The following CNTN4 variants were observed in gnomAD, a reference collection of about 807,000 sequenced individuals.
The protein encoded by CNTN4 is contactin 4.
A neutral mutation model predicts 122.5 loss-of-function variants in CNTN4; 77 were observed. That is an observed-to-expected ratio of 0.63 (90% confidence interval 0.52 to 0.76). The LOEUF (loss-of-function observed/expected upper bound fraction) is 0.76. CNTN4 is among the 30% of genes least tolerant of loss of function. CNTN4 has a pLI of 0.00. For missense variants in CNTN4, 1,256 were observed against 1,259.1 expected (o/e 1.00, Z 0.04); for synonymous variants, 512 against 447.0 (o/e 1.15, Z -1.83).
Position 2,737,112 on chromosome 3 carries a change from C to T in CNTN4, c.182+771C>T, listed in dbSNP as rs147010800. Among the ~76,000 whole-genome samples, 788 of 151,844 alleles carry T rather than the reference C, an allele frequency of 5.2e-3. 8 individuals carry two copies. Among genetic ancestry groups the T allele is most frequent in the African/African-American group, 0.018 (744 of 41,402 alleles). ...TTTTTATTTTTCGAGACAGGGTCTC[C>T]CTCTGTCACCCAGGCTGAAGTGGAT... On this transcript the variant is annotated intron_variant, in intron 5 of 24. Coordinates refer to ENST00000418658, the MANE Select transcript of CNTN4 (RefSeq NM_175607.3).
At chr3:2,936,807 A>C (rs2094570850) in intron 13 of CNTN4, among the ~76,000 whole-genome samples, 1 of 152,210 alleles carries the variant, frequency 6.6e-6, no homozygotes, top group Non-Finnish European at 1.5e-5. Flanking sequence ...AAATAAATCA[A>C]AAGAAAAATC....
intron 4 of CNTN4, among the ~76,000 whole-genome samples, chr3:2,692,108 G>C (rs1342589838): frequency 6.9e-6 from 1 of 145,972 alleles, no homozygotes; most frequent in Non-Finnish European, 1.5e-5. Flanking sequence ...TTAAACTTAA[G>C]TGGCACACTT....
At chr3:2,702,449 T>C (rs915057768) in intron 4 of CNTN4, among the ~76,000 whole-genome samples, 3 of 152,234 alleles carry the variant, frequency 2.0e-5, no homozygotes, top group Non-Finnish European at 4.4e-5. Flanking sequence ...ATGACAAATA[T>C]ATTCTGTGCT....
intron 6 of CNTN4, among the ~76,000 whole-genome samples, chr3:2,794,452 A>T (rs1055088460): frequency 6.6e-6 from 1 of 152,224 alleles, no homozygotes; most frequent in African/African-American, 2.4e-5. Context: ...CTTGATAATA[A>T]ATCCCTTTTT....
chr3:2,338,401 TA>T, intron 2 of CNTN4, among the ~76,000 whole-genome samples: 1 of 152,064 alleles, frequency 6.6e-6, no homozygotes, highest in East Asian at 1.9e-4. Flanking sequence ...CAGAGTAGAA[TA>T]GTATGATTAA....
chr3:3,011,888 T>C (rs1300830328), intron 14 of CNTN4, among the ~76,000 whole-genome samples: 1 of 151,042 alleles, frequency 6.6e-6, no homozygotes, highest in African/African-American at 2.4e-5. Flanking sequence ...ATGATGATGA[T>C]GGTGATGATG....
chr3:2,483,504 T>C (rs2076063806), intron 3 of CNTN4, among the ~76,000 whole-genome samples: 1 of 151,960 alleles, frequency 6.6e-6, no homozygotes. Flanking sequence ...TTGGGAGGGG[T>C]CAGGGGCAGA....
chr3:2,873,322 T>C (rs1328452078), intron 8 of CNTN4, among the ~76,000 whole-genome samples: 4 of 152,224 alleles, frequency 2.6e-5, no homozygotes, highest in African/African-American at 9.6e-5. Flanking sequence ...CCAGATAATA[T>C]CAGGTTTAAC....
rs13317516 is a variant in CNTN4, at chr3:2,975,745, T to C, written c.1359-12600T>C. Among the ~76,000 whole-genome samples the C allele has an allele frequency of 5.4e-3, 826 of 152,334 alleles. 6 individuals carry two copies. Among genetic ancestry groups the C allele is most frequent in the African/African-American group, 0.019 (780 of 41,592 alleles). On this transcript the variant is annotated intron_variant, in intron 13 of 24. Transcript: ENST00000418658. ...TTGTTATATAAAGCTTCCTGAGTGC[T>C]TTATATATTTTAATGTTTTTTTCTC...
intron 3 of CNTN4, among the ~76,000 whole-genome samples, chr3:2,523,313 T>C (rs2077284842): frequency 6.6e-6 from 1 of 150,856 alleles, no homozygotes; most frequent in African/African-American, 2.4e-5. Flanking sequence ...TTGCATATTA[T>C]GTTGCTCCTA....
At chr3:2,392,684 C>T (rs2046485476) in intron 3 of CNTN4, among the ~76,000 whole-genome samples, 1 of 152,198 alleles carries the variant, frequency 6.6e-6, no homozygotes, top group South Asian at 2.1e-4. Context: ...ATATACAATG[C>T]ATTATTATTA....
In CNTN4 at chr3:2,545,630, T is replaced by TA. The variant is rs201036988; in HGVS notation, c.-88-25785dup. Among the ~76,000 whole-genome samples, 370 of 151,918 alleles carry TA rather than the reference T, an allele frequency of 2.4e-3. 4 individuals carry two copies. The East Asian group carries it at 0.039, about 16-fold the overall frequency. On this transcript the variant is annotated intron_variant, in intron 3 of 24. Transcript: ENST00000418658. The stretch of plus-strand genomic sequence containing the variant: ...GTTATGTAATGCCTTTTTTTTTTTT[T>TA]ATCCTTTTCATCTTTGCTGGTATAA...
At chr3:2,679,430 A>G (rs1209926423) in intron 4 of CNTN4, among the ~76,000 whole-genome samples, 1 of 152,142 alleles carries the variant, frequency 6.6e-6, no homozygotes, top group Non-Finnish European at 1.5e-5. Flanking sequence ...TTAGTTGATA[A>G]AGGACAGTGA....
At chr3:2,727,790 A>G (rs919789435) in intron 4 of CNTN4, among the ~76,000 whole-genome samples, 14 of 152,072 alleles carry the variant, frequency 9.2e-5, no homozygotes, top group Admixed American at 3.9e-4. Flanking sequence ...TCTCATTTGG[A>G]TTTTTTTCAC....
At chr3:2,810,968 A>G (rs1417496914) in intron 6 of CNTN4, among the ~76,000 whole-genome samples, 4 of 151,666 alleles carry the variant, frequency 2.6e-5, no homozygotes, top group South Asian at 2.1e-4. Context: ...AAATAAGTGT[A>G]TTAAGGATTT....
intron 2 of CNTN4, among the ~76,000 whole-genome samples, chr3:2,114,620 T>C (rs2033213973): frequency 6.6e-6 from 1 of 152,118 alleles, no homozygotes; most frequent in South Asian, 2.1e-4. Context: ...TTTCATAGAC[T>C]AGAATGTGAA....
At chr3:2,270,784 G>A (rs1016323348) in intron 2 of CNTN4, among the ~76,000 whole-genome samples, 18 of 152,062 alleles carry the variant, frequency 1.2e-4, no homozygotes, top group African/African-American at 4.3e-4. Flanking sequence ...GTCCTGAGAG[G>A]GGCAGGCCAT....
chr3:2,157,725 A>C (rs752302584), intron 2 of CNTN4, among the ~76,000 whole-genome samples: 18 of 152,218 alleles, frequency 1.2e-4, no homozygotes, highest in Non-Finnish European at 2.2e-4. Context: ...TTTACACTTT[A>C]TACCAATTTC....
At chr3:2,167,779 A>G (rs2036267538) in intron 2 of CNTN4, among the ~76,000 whole-genome samples, 1 of 152,222 alleles carries the variant, frequency 6.6e-6, no homozygotes, top group African/African-American at 2.4e-5. Context: ...CCATTTTAAT[A>G]TGTCCACTTG....
Sources: allele counts gnomAD v4.1 joint callset (sites outside exome capture counted in the v4.1 genomes callset), GRCh38; gene constraint gnomAD v4.1.1; transcripts MANE v1.5; gene names NCBI Gene and HGNC (gene_info 2026-07-23, HGNC 2026-07-21).